Variants in HTR2C observed in about 807,000 individuals in gnomAD.
HTR2C encodes the protein 5-hydroxytryptamine receptor 2C.
In HTR2C, 5 loss-of-function variants were observed where a neutral mutation model predicts 21.0. That is an observed-to-expected ratio of 0.24 (90% CI 0.12 to 0.50). The LOEUF is 0.50. Among genes scored for constraint, HTR2C ranks in the 20% least tolerant of loss-of-function variants. The probability of loss-of-function intolerance (pLI) is 0.98; values close to 1 mark genes in which losing one functional copy is unlikely to be tolerated. For synonymous variants in HTR2C, 150 were observed against 145.3 expected, an observed-to-expected ratio of 1.03 and a Z score of -0.23; for missense variants, 271 against 371.2, an observed-to-expected ratio of 0.73 and a Z score of 2.22.
intron 5 of HTR2C, among the ~76,000 whole-genome samples, chrX:114,895,338 A>T (rs2147531098): frequency 8.9e-6 from 1 of 111,827 alleles, no homozygotes; most frequent in Non-Finnish European, 1.9e-5. Flanking sequence ...CATGCAACTT[A>T]TCATAATTGA....
intron 2 of HTR2C, among the ~76,000 whole-genome samples, chrX:114,614,954 T>C (rs1257320965): frequency 8.9e-6 from 1 of 112,218 alleles, no homozygotes; most frequent in Non-Finnish European, 1.9e-5. Flanking sequence ...CCACAAAATG[T>C]TTTTAGAATG....
At chrX:114,654,827 G>A (rs1243106278) in intron 2 of HTR2C, among the ~76,000 whole-genome samples, 2 of 110,304 alleles carry the variant, frequency 1.8e-5, no homozygotes, top group African/African-American at 6.6e-5. Context: ...AGTCAGTCAG[G>A]GAAAGCTTCC....
chrX:114,829,949 C>T (rs782629018), intron 4 of HTR2C, among the ~76,000 whole-genome samples: 17 of 111,287 alleles, frequency 1.5e-4, no homozygotes, highest in Non-Finnish European at 2.8e-4. Context: ...ATTGTTTTGG[C>T]TATTCGAGAT....
chrX:114,689,228 A>ATATATATATATATATATATATATG (rs1344771874), intron 2 of HTR2C, among the ~76,000 whole-genome samples: 3 of 100,911 alleles, frequency 3.0e-5, no homozygotes, highest in African/African-American at 1.1e-4. Flanking sequence ...ATATATATAT[A>ATATATATATATATATATATATATG]TATCACATTT....
chrX:114,724,409 C>T (rs1480448339), intron 2 of HTR2C, among the ~76,000 whole-genome samples: 4 of 102,905 alleles, frequency 3.9e-5, no homozygotes, highest in Non-Finnish European at 7.9e-5. Context: ...CTATGTGTGT[C>T]TCTGCACGTG....
At chrX:114,710,153 G>A (rs1194185054) in intron 2 of HTR2C, among the ~76,000 whole-genome samples, 1 of 111,410 alleles carries the variant, frequency 9.0e-6, no homozygotes, top group Non-Finnish European at 1.9e-5. Context: ...AACTTTGCAC[G>A]GTGGCATGTG....
intron 2 of HTR2C, among the ~76,000 whole-genome samples, chrX:114,680,355 A>G (rs924911033): frequency 2.7e-5 from 3 of 112,417 alleles, no homozygotes; most frequent in South Asian, 3.6e-4. Context: ...TTAAATTGAC[A>G]TAAGACAGAA....
At chrX:114,605,321 G>T (rs1266331761) in intron 1 of HTR2C, among the ~76,000 whole-genome samples, 47 of 110,664 alleles carry the variant, frequency 4.2e-4, no homozygotes, top group Middle Eastern at 4.7e-3. Context: ...AGAGGCTGAG[G>T]AAGAATTGGG....
intron 2 of HTR2C, among the ~76,000 whole-genome samples, chrX:114,641,973 C>G (rs1341267789): frequency 9.0e-6 from 1 of 111,527 alleles, no homozygotes; most frequent in Non-Finnish European, 1.9e-5. Context: ...TCAGCTCCCA[C>G]TTACAAGCGA....
At chrX:114,771,620 G>T (rs782579639) in intron 4 of HTR2C, among the ~76,000 whole-genome samples, 2 of 112,083 alleles carry the variant, frequency 1.8e-5, no homozygotes, top group South Asian at 7.4e-4. Context: ...ATACACATTT[G>T]TGCAGCCTTT....
intron 5 of HTR2C, among the ~76,000 whole-genome samples, chrX:114,849,905 G>A (rs1556468751): frequency 2.7e-5 from 3 of 111,839 alleles, no homozygotes; most frequent in Non-Finnish European, 5.6e-5. Context: ...AATACAACAT[G>A]AATCAGGTAT....
chrX:114,672,122 A>G (rs999394057), intron 2 of HTR2C, among the ~76,000 whole-genome samples: 6 of 112,324 alleles, frequency 5.3e-5, no homozygotes, highest in Admixed American at 3.8e-4. Context: ...ATTTGCCTTT[A>G]TAAGAGAGAA....
At chrX:114,879,526 T>A (rs1556479327) in intron 5 of HTR2C, among the ~76,000 whole-genome samples, 1 of 110,075 alleles carries the variant, frequency 9.1e-6, no homozygotes, top group African/African-American at 3.3e-5. Context: ...TCTTTAGTGG[T>A]AATTTGTGAG....
intron 4 of HTR2C, among the ~76,000 whole-genome samples, chrX:114,809,258 T>A (rs2070508114): frequency 9.1e-6 from 1 of 110,250 alleles, no homozygotes; most frequent in Admixed American, 9.7e-5. Flanking sequence ...AGCAGAGGAA[T>A]CACTTCCCAT....
In HTR2C at chrX:114,906,767, A is replaced by G; in HGVS notation, c.729A>G (p.Arg243=). 1 of 1,211,263 alleles carries G rather than the reference A, an allele frequency of 8.3e-7. No homozygotes were observed. The highest frequency in any genetic ancestry group is 1.1e-6 in the Non-Finnish European group (1 of 895,400). ...GCCTGACCATCTACGTTCTGCGCCGACAAGCTTTGATGTTACTGCACGGCC... is the reference window on the plus strand; with the variant it reads ...GCCTGACCATCTACGTTCTGCGCCGGCAAGCTTTGATGTTACTGCACGGCC... ...TYCLTIYVLR[R]QALMLLHGHT... The change falls in exon 6 of 6, where the codon CGA becomes CGG. Residue 243 remains arginine (R), a synonymous_variant. Coordinates refer to ENST00000276198, the MANE Select transcript of HTR2C (RefSeq NM_000868.4).
intron 1 of HTR2C, among the ~76,000 whole-genome samples, chrX:114,595,819 A>C (rs1352975435): frequency 9.0e-6 from 1 of 111,707 alleles, no homozygotes; most frequent in Non-Finnish European, 1.9e-5. Context: ...ACAAAAAAAA[A>C]ATCCCAAATC....
chrX:114,607,705 T>C (rs1227818659), intron 1 of HTR2C, among the ~76,000 whole-genome samples: 3 of 111,711 alleles, frequency 2.7e-5, no homozygotes, highest in Non-Finnish European at 3.8e-5. Flanking sequence ...TAAATTAAAA[T>C]CTGAGGCCAG....
intron 5 of HTR2C, among the ~76,000 whole-genome samples, chrX:114,896,692 A>G (rs1284758370): frequency 8.9e-6 from 1 of 112,174 alleles, no homozygotes; most frequent in African/African-American, 3.2e-5. Flanking sequence ...CATACAATAT[A>G]TAATTTTCCA....
chrX:114,786,688 T>G (rs1001246319), intron 4 of HTR2C, among the ~76,000 whole-genome samples: 1 of 110,923 alleles, frequency 9.0e-6, no homozygotes, highest in Admixed American at 9.7e-5. Flanking sequence ...GAAATTGATA[T>G]TTTTGAAGGT....
Sources: gnomAD v4.1 joint callset for allele counts (sites outside exome capture counted in the v4.1 genomes callset) on GRCh38, gnomAD v4.1.1 for gene constraint, MANE v1.5 for transcripts, NCBI Gene and HGNC (gene_info 2026-07-23, HGNC 2026-07-21) for gene names.